RASAL2: variants seen among roughly 807,000 people sequenced by gnomAD.
RASAL2 encodes ras GTPase-activating protein nGAP.
A neutral mutation model predicts 128.9 loss-of-function variants in RASAL2; 58 were observed. The ratio of observed to expected loss-of-function variants is 0.45; its 90% CI spans 0.36 to 0.56. The LOEUF (loss-of-function observed/expected upper bound fraction) is 0.56, where lower values mean the gene tolerates loss of function less well. RASAL2 is among the 20% of genes least tolerant of loss of function. RASAL2 has a pLI of 0.00. For missense variants in RASAL2, 1,360 were observed against 1,601.6 expected (o/e 0.85, Z 2.57); for synonymous variants, 561 against 580.8 (o/e 0.97, Z 0.49).
rs1382883476 is a variant in RASAL2 at position 178,477,791 on chromosome 1, A to G, written c.*4552A>G. Reference sequence around the variant, plus strand: ...CGTCTGTTAGATTTTATGACATTCTATCATCCTAAAAAATGTACTATATGT... The same window carrying G: ...CGTCTGTTAGATTTTATGACATTCTGTCATCCTAAAAAATGTACTATATGT... On this transcript the variant is annotated 3_prime_UTR_variant, in exon 18 of 18. Coordinates refer to ENST00000367649, the MANE Select transcript of RASAL2 (RefSeq NM_170692.4). 1 of 150,992 alleles carries G rather than the reference A, an allele frequency of 6.6e-6. No homozygotes were observed. Among genetic ancestry groups the G allele is most frequent in the African/African-American group, 2.5e-5 (1 of 40,308 alleles). 9.4% of individuals were successfully genotyped at this position (150,992 alleles called of 1,614,324 possible).
chr1:178,138,202 G>A (rs1036963959), intron 1 of RASAL2, among the ~76,000 whole-genome samples: 2 of 152,162 alleles, frequency 1.3e-5, no homozygotes, highest in African/African-American at 4.8e-5. Flanking sequence ...ACTGCACAGG[G>A]AGAATTGTTT....
At chr1:178,396,443 C>T (rs1673231818) in intron 4 of RASAL2, among the ~76,000 whole-genome samples, 1 of 152,124 alleles carries the variant, frequency 6.6e-6, no homozygotes, top group African/African-American at 2.4e-5. Flanking sequence ...CTTAAGGGAG[C>T]ATGTAATTAG....
At chr1:178,155,537 T>C (rs1430372412) in intron 1 of RASAL2, among the ~76,000 whole-genome samples, 1 of 151,776 alleles carries the variant, frequency 6.6e-6, no homozygotes, top group Non-Finnish European at 1.5e-5. Context: ...TTAAAAAAAA[T>C]CTGTTACTGT....
chr1:178,317,362 G>C (rs1668536118), intron 3 of RASAL2, among the ~76,000 whole-genome samples: 1 of 146,182 alleles, frequency 6.8e-6, no homozygotes, highest in South Asian at 2.2e-4. Flanking sequence ...GTTTCAGAAG[G>C]AATGGTACCA....
intron 1 of RASAL2, among the ~76,000 whole-genome samples, chr1:178,242,933 AT>A (rs1664585243): frequency 6.6e-6 from 1 of 152,010 alleles, no homozygotes; most frequent in South Asian, 2.1e-4. Flanking sequence ...ATTCTGAAGC[AT>A]TTTATGACAT....
At chr1:178,441,744 C>A in intron 7 of RASAL2, 97 bp downstream of exon 7, 1 of 896,852 alleles carries the variant, frequency 1.1e-6, no homozygotes, top group South Asian at 1.5e-5. Flanking sequence ...TTGTCTATAG[C>A]TTGAGAGTTT....
intron 5 of RASAL2, 25 bp from the exon 6 acceptor site, chr1:178,439,397 C>A: frequency 6.3e-7 from 1 of 1,587,178 alleles, no homozygotes; most frequent in Non-Finnish European, 8.6e-7. Context: ...GTTACACTAC[C>A]TTAAATATCT....
chr1:178,119,029 A>G (rs1253351301), intron 1 of RASAL2, among the ~76,000 whole-genome samples: 1 of 151,966 alleles, frequency 6.6e-6, no homozygotes, highest in African/African-American at 2.4e-5. Flanking sequence ...CACCACACCC[A>G]GCTAATTTTT....
intron 1 of RASAL2, among the ~76,000 whole-genome samples, chr1:178,132,551 C>A (rs1429968230): frequency 6.6e-6 from 1 of 152,056 alleles, no homozygotes; most frequent in Admixed American, 6.5e-5. Flanking sequence ...TGTAGTTATA[C>A]AAAGTAGTTA....
At chr1:178,413,781 A>G (rs1674569881) in intron 4 of RASAL2, among the ~76,000 whole-genome samples, 1 of 152,218 alleles carries the variant, frequency 6.6e-6, no homozygotes. Context: ...GCATGCAAGA[A>G]CAGATGGACA....
At chr1:178,108,370 T>C (rs1362029598) in intron 1 of RASAL2, among the ~76,000 whole-genome samples, 1 of 152,206 alleles carries the variant, frequency 6.6e-6, no homozygotes, top group Non-Finnish European at 1.5e-5. Flanking sequence ...CTCTGGTAAC[T>C]GTGACAGTCA....
At chr1:178,257,847 G>GAAAAAAAA (rs71108038) in intron 1 of RASAL2, among the ~76,000 whole-genome samples, 2 of 128,074 alleles carry the variant, frequency 1.6e-5, no homozygotes. Flanking sequence ...TCTCAAAAAA[G>GAAAAAAAA]AAAAAAAAAA....
At chr1:178,228,200 T>C (rs1186199224) in intron 1 of RASAL2, among the ~76,000 whole-genome samples, 2 of 152,228 alleles carry the variant, frequency 1.3e-5, no homozygotes. Context: ...CATGGTTCTT[T>C]CTGCCTTCTA....
At chr1:178,126,049 T>TA (rs1390581266) in intron 1 of RASAL2, among the ~76,000 whole-genome samples, 1 of 152,238 alleles carries the variant, frequency 6.6e-6, no homozygotes, top group Non-Finnish European at 1.5e-5. Context: ...ACTCAGAACT[T>TA]ACTACTTGTA....
At chr1:178,354,408 G>T (rs1670685767) in intron 3 of RASAL2, among the ~76,000 whole-genome samples, 1 of 152,158 alleles carries the variant, frequency 6.6e-6, no homozygotes, top group Non-Finnish European at 1.5e-5. Context: ...ATGGTGAAAA[G>T]CTTTCCCTTT....
At chr1:178,430,300 A>G (rs1031283232) in intron 5 of RASAL2, among the ~76,000 whole-genome samples, 2 of 152,148 alleles carry the variant, frequency 1.3e-5, no homozygotes, top group Non-Finnish European at 2.9e-5. Flanking sequence ...TTCCTATTCC[A>G]GATTTACAGC....
chr1:178,466,179 G>C (rs1197631976), intron 16 of RASAL2, 57 bp downstream of exon 16: 7 of 1,474,782 alleles, frequency 4.7e-6, no homozygotes, highest in Non-Finnish European at 6.3e-6. Flanking sequence ...GAATTGAGAT[G>C]ATCCACAGAA....
chr1:178,188,238 T>C (rs1662376160), intron 1 of RASAL2, among the ~76,000 whole-genome samples: 1 of 152,192 alleles, frequency 6.6e-6, no homozygotes, highest in South Asian at 2.1e-4. Flanking sequence ...TATTCTACCC[T>C]GAAAATTCTA....
chr1:178,165,464 A>C (rs1319603476), intron 1 of RASAL2, among the ~76,000 whole-genome samples: 1 of 152,182 alleles, frequency 6.6e-6, no homozygotes, highest in Non-Finnish European at 1.5e-5. Flanking sequence ...GAGGATGTGC[A>C]TAGGTTATAC....
Sources: allele counts gnomAD v4.1 joint callset (sites outside exome capture counted in the v4.1 genomes callset), GRCh38; gene constraint gnomAD v4.1.1; transcripts MANE v1.5; gene names NCBI Gene and HGNC (gene_info 2026-07-23, HGNC 2026-07-21).